ANK3: variants seen among roughly 807,000 people sequenced by gnomAD.
ANK3 encodes ankyrin-3.
Under a neutral mutation model 370.9 loss-of-function variants are expected in ANK3, and 57 were observed. The ratio of observed to expected loss-of-function variants is 0.15; its 90% CI spans 0.12 to 0.19. ANK3 has a LOEUF of 0.19. ANK3 is among the 10% of genes least tolerant of loss of function. The pLI is 1.00. For missense variants in ANK3, 4,439 were observed against 5,302.1 expected (o/e 0.84, Z 5.06); for synonymous variants, 1,929 against 1,946.3 (o/e 0.99, Z 0.23).
intron 2 of ANK3, among the ~76,000 whole-genome samples, chr10:60,416,126 A>G (rs1452562323): frequency 6.6e-6 from 1 of 152,050 alleles, no homozygotes; most frequent in Non-Finnish European, 1.5e-5. Context: ...ACCATCTATG[A>G]ACCAGAAAAT....
intron 2 of ANK3, among the ~76,000 whole-genome samples, chr10:60,443,151 T>C (rs965374019): frequency 2.6e-5 from 4 of 152,208 alleles, no homozygotes; most frequent in Admixed American, 1.3e-4. Context: ...AATTGAAAAG[T>C]ATTTATTGTA....
rs760645469 is a variant in ANK3, at chr10:60,279,532, G to A, written c.216+6C>T. On this transcript the variant is annotated splice_donor_region_variant and intron_variant, in intron 2 of 43. Coordinates refer to ENST00000280772, the MANE Select transcript of ANK3 (RefSeq NM_020987.5). The stretch of plus-strand genomic sequence containing the variant: ...AGTAAAAAATTCAATAATAACTCCA[G>A]CTAACCTGATTGCAAATGTTGATGT... The A allele has an allele frequency of 8.7e-6, 14 of 1,604,226 alleles. 1 individual carries two copies. The East Asian group carries it at 3.1e-4, about 36-fold the overall frequency.
At chr10:60,247,366 T>C (rs2097572109) in intron 7 of ANK3, among the ~76,000 whole-genome samples, 1 of 152,136 alleles carries the variant, frequency 6.6e-6, no homozygotes, top group South Asian at 2.1e-4. Flanking sequence ...TTAATTTAAA[T>C]TGTGGTAAAA....
At chr10:60,447,115 C>T (rs2064469368) in intron 2 of ANK3, among the ~76,000 whole-genome samples, 1 of 152,212 alleles carries the variant, frequency 6.6e-6, no homozygotes, top group South Asian at 2.1e-4. Flanking sequence ...CACACGGCCA[C>T]ATCCCAGGCA....
chr10:60,699,746 T>C (rs2133415896), intron 1 of ANK3, among the ~76,000 whole-genome samples: 1 of 152,204 alleles, frequency 6.6e-6, no homozygotes, highest in East Asian at 1.9e-4. Context: ...AAGATCTTAG[T>C]TCATATATTG....
At chr10:60,134,233 G>T in intron 25 of ANK3, 38 bp downstream of exon 25, 1 of 1,498,656 alleles carries the variant, frequency 6.7e-7, no homozygotes, top group Non-Finnish European at 9.2e-7. Flanking sequence ...ACAAATGTAA[G>T]TTTAATGGTC....
rs185706413 is a variant in ANK3 at position 60,709,702 on chromosome 10, C to A, written c.57+23561G>T. 1.3e-3 allele frequency among the ~76,000 whole-genome samples: 202 copies of A among 151,956 alleles called. 1 individual carries two copies. The highest frequency in any genetic ancestry group is 4.5e-3 in the African/African-American group (188 of 41,434). ...AATTAGCCGGGCATGGTGGCACATGCCTGTCATCCCAGTTACTCAGGAGGC... is the reference window on the plus strand; with the variant it reads ...AATTAGCCGGGCATGGTGGCACATGACTGTCATCCCAGTTACTCAGGAGGC... On this transcript the variant is annotated intron_variant, in intron 1 of 43. Transcript: ENST00000373827.
intron 1 of ANK3, among the ~76,000 whole-genome samples, chr10:60,300,034 G>C (rs2043340674): frequency 6.6e-6 from 1 of 151,712 alleles, no homozygotes; most frequent in Non-Finnish European, 1.5e-5. Flanking sequence ...ACTCCTAATC[G>C]CCCCCTGTCT....
intron 2 of ANK3, among the ~76,000 whole-genome samples, chr10:60,582,572 G>A (rs1367153895): frequency 6.6e-6 from 1 of 151,656 alleles, no homozygotes; most frequent in Non-Finnish European, 1.5e-5. Context: ...TCAGGCAGAT[G>A]TACCACCTCA....
chr10:60,221,611 C>T (rs1008129956), intron 8 of ANK3, among the ~76,000 whole-genome samples: 10 of 152,068 alleles, frequency 6.6e-5, no homozygotes, highest in African/African-American at 2.2e-4. Flanking sequence ...ATGATTAGTG[C>T]TATAAGAGTA....
intron 1 of ANK3, among the ~76,000 whole-genome samples, chr10:60,652,209 G>GA (rs951004049): frequency 2.0e-5 from 3 of 151,874 alleles, no homozygotes; most frequent in African/African-American, 7.3e-5. Context: ...AGGAGTTCAA[G>GA]ACAGAGCAAG....
intron 8 of ANK3, among the ~76,000 whole-genome samples, chr10:60,218,951 A>G (rs1184143308): frequency 2.0e-5 from 3 of 151,366 alleles, no homozygotes; most frequent in Admixed American, 1.3e-4. Context: ...ATGAAGTCCC[A>G]TATTTCTTGG....
chr10:60,713,611 C>T (rs1248818029), intron 1 of ANK3, among the ~76,000 whole-genome samples: 4 of 152,036 alleles, frequency 2.6e-5, no homozygotes, highest in Non-Finnish European at 5.9e-5. Flanking sequence ...TTACAACAGG[C>T]TGGGTGCAGT....
At chr10:60,193,464 T>C (rs1303514568) in intron 16 of ANK3, among the ~76,000 whole-genome samples, 1 of 151,616 alleles carries the variant, frequency 6.6e-6, no homozygotes, top group African/African-American at 2.4e-5. Flanking sequence ...CAAGACCAGC[T>C]GGCCAACATG....
chr10:60,515,610 T>C (rs2076198461), intron 2 of ANK3, among the ~76,000 whole-genome samples: 1 of 152,134 alleles, frequency 6.6e-6, no homozygotes, highest in South Asian at 2.1e-4. Flanking sequence ...TATATTATAG[T>C]AGTTAACCAG....
chr10:60,569,469 T>C (rs1190989421), intron 2 of ANK3, among the ~76,000 whole-genome samples: 1 of 152,112 alleles, frequency 6.6e-6, no homozygotes, highest in Non-Finnish European at 1.5e-5. Flanking sequence ...AATCCTTCTT[T>C]GATAACTAGC....
intron 14 of ANK3, 88 bp from the exon 15 acceptor site, chr10:60,196,713 A>G: frequency 1.2e-6 from 1 of 812,520 alleles, no homozygotes. Flanking sequence ...ACAAACAAAC[A>G]AAAAGATATG....
At chr10:60,531,357 G>A (rs1449984630) in intron 2 of ANK3, among the ~76,000 whole-genome samples, 1 of 151,976 alleles carries the variant, frequency 6.6e-6, no homozygotes, top group Non-Finnish European at 1.5e-5. Context: ...TTACAAAGGA[G>A]GTTCAGTGTG....
chr10:60,303,967 G>A (rs1386723720), intron 1 of ANK3, among the ~76,000 whole-genome samples: 9 of 151,666 alleles, frequency 5.9e-5, no homozygotes, highest in Non-Finnish European at 1.2e-4. Context: ...GTGACCACAT[G>A]GATGAACATG....
Sources: allele counts gnomAD v4.1 joint callset (sites outside exome capture counted in the v4.1 genomes callset), GRCh38; gene constraint gnomAD v4.1.1; transcripts MANE v1.5; gene names NCBI Gene and HGNC (gene_info 2026-07-23, HGNC 2026-07-21).